Variants in CEP131 observed in about 807,000 individuals in gnomAD.
The protein encoded by CEP131 is centrosomal protein 131.
Under a neutral mutation model 136.8 loss-of-function variants are expected in CEP131, and 99 were observed. That is an observed-to-expected ratio of 0.72 (90% CI 0.62 to 0.86). The LOEUF is 0.86. Ranked by LOEUF, CEP131 falls within the 40% of genes least tolerant of loss-of-function variation. The pLI is 0.00. For missense variants in CEP131, 1,459 were observed against 1,463.0 expected, an observed-to-expected ratio of 1.00 and a Z score of 0.04; for synonymous variants, 646 against 612.7, an observed-to-expected ratio of 1.05 and a Z score of -0.80.
Position 81,199,416 on chromosome 17 carries a change from C to A in CEP131, c.1157G>T (p.Gly386Val), listed in dbSNP as rs147932891. ...PAQELSPTPG[G>V]TAHQALKANN... The stretch of plus-strand genomic sequence containing the variant: ...GGCCTTGAGGGCCTGGTGGGCAGTG[C>A]CGCCTGGTGTGGGGGACAGCTCCTG... The change falls in exon 10 of 26, where the codon GGC becomes GTC. Residue 386 changes from glycine to valine, a missense_variant. Gly to Val is a moderately radical substitution (Grantham distance 109). Transcript: ENST00000450824. 2.5e-3 allele frequency: 4,018 copies of A among 1,605,554 alleles called. 10 individuals are homozygous for A. The highest frequency in any genetic ancestry group is 3.2e-3 in the Non-Finnish European group (3,719 of 1,177,228).
Position 81,189,988 on chromosome 17 carries a change from C to A in CEP131, c.3108-13G>T. Reference sequence around the variant, plus strand: ...GGCTGTCTTCACCCTGTGGGTAGTACATGGTAGGCTTCAGTGTGGCCCCCG... The same window carrying A: ...GGCTGTCTTCACCCTGTGGGTAGTAAATGGTAGGCTTCAGTGTGGCCCCCG... On this transcript the variant is annotated splice_polypyrimidine_tract_variant and intron_variant, in intron 24 of 25. Coordinates refer to ENST00000450824, the MANE Select transcript of CEP131 (RefSeq NM_014984.4). The A allele has an allele frequency of 6.3e-7, 1 of 1,599,644 alleles. No homozygotes were observed. Among genetic ancestry groups the A allele is most frequent in the Non-Finnish European group, 8.5e-7 (1 of 1,170,272 alleles).
intron 12 of CEP131, 102 bp downstream of exon 12, chr17:81,198,013 G>A (rs1473491176): frequency 1.1e-5 from 17 of 1,486,300 alleles, no homozygotes; most frequent in Non-Finnish European, 1.4e-5. Context: ...GCCAGGAGGA[G>A]CCTGTGGCAT....
chr17:81,189,687 G>A lies in CEP131; in HGVS notation c.*82C>T. On this transcript the variant is annotated 3_prime_UTR_variant, in exon 26 of 26. Transcript: ENST00000450824. ...CACCAGCCTCTGTGGGGGGCAGGTG[G>A]GCGTCCCTGTGGGCCTCTGGGCCCA... 7.1e-7 allele frequency: 1 copy of A among 1,417,570 alleles called. No individual in the cohort carries two copies. The highest frequency in any genetic ancestry group is 1.4e-5 in the African/African-American group (1 of 69,824). 87.8% of individuals were successfully genotyped at this position (1,417,570 alleles called of 1,614,324 possible).
chr17:81,207,643 C>T (rs1377512396), intron 3 of CEP131, among the ~76,000 whole-genome samples: 1 of 151,454 alleles, frequency 6.6e-6, no homozygotes, highest in Non-Finnish European at 1.5e-5. Context: ...AGCCTGCACA[C>T]CCGGCTGCCC....
Position 81,208,010 on chromosome 17 carries a change from CCACT to C in CEP131, c.273-775_273-772del, listed in dbSNP as rs928371689. Among the ~76,000 whole-genome samples the C allele has an allele frequency of 2.2e-5, 2 of 91,186 alleles. No individual in the cohort carries two copies. Among genetic ancestry groups the C allele is most frequent in the Non-Finnish European group, 4.9e-5 (2 of 41,062 alleles). The allele number at this position is 91,186 out of a possible 152,430, so 59.8% of individuals were successfully genotyped here. ...TCACAAACCACACCCCAGACACACACCACTCACACCACACACCCACACACCACAC... is the reference window on the plus strand; with the variant it reads ...TCACAAACCACACCCCAGACACACACCACACCACACACCCACACACCACAC... On this transcript the variant is annotated intron_variant, in intron 3 of 25. Transcript: ENST00000450824. The surrounding 1 kb of genome is among the most constrained non-coding windows in gnomAD (Gnocchi z 5.6).
At position 81,203,455 on chromosome 17, in the gene CEP131, C is replaced by T. The variant is rs763999368; in HGVS notation, c.629+39G>A. On this transcript the variant is annotated intron_variant, in intron 6 of 25. Transcript: ENST00000450824. This position sits in a 1 kb window ranked among gnomAD's most constrained non-coding sequence, Gnocchi z 4.6. ...ACTGACTACATGCCCTAACTGAGGT[C>T]GGACCCCGCAGCCCCGCGGCCTCCC... is the stretch of plus-strand genomic sequence containing the variant. 1.7e-5 allele frequency: 25 copies of T among 1,509,952 alleles called. No homozygotes were observed. Among genetic ancestry groups the T allele is most frequent in the South Asian group, 1.4e-4 (12 of 83,800 alleles). The allele number at this position is 1,509,952 out of a possible 1,614,324, so 93.5% of individuals were successfully genotyped here.
At chr17:81,214,262 T>A (rs1231180180) in intron 2 of CEP131, among the ~76,000 whole-genome samples, 1 of 152,180 alleles carries the variant, frequency 6.6e-6, no homozygotes, top group Non-Finnish European at 1.5e-5. Flanking sequence ...GGTTTATTTT[T>A]AAAAATCGTA....
chr17:81,212,105 G>A (rs1251925159), intron 2 of CEP131, among the ~76,000 whole-genome samples: 1 of 151,590 alleles, frequency 6.6e-6, no homozygotes, highest in South Asian at 2.1e-4. Context: ...ATCTGAGGTC[G>A]GGAGTTTGAG....
At chr17:81,206,638 A>G (rs1297171818) in intron 5 of CEP131, 106 bp downstream of exon 5, 3 of 1,433,392 alleles carry the variant, frequency 2.1e-6, no homozygotes, top group African/African-American at 2.9e-5. Context: ...TCATTCATTC[A>G]TTCCAAAGCA....
In CEP131 at chr17:81,192,533, G is replaced by A. The variant is rs2061664142; in HGVS notation, c.2490C>T (p.Thr830=). The change falls in exon 20 of 26, where the codon ACC becomes ACT. Residue 830 remains threonine, a synonymous_variant. Transcript: ENST00000450824. ...QQLEESSSAL[T]RALRAEFEKG... ...TCTCAAACTCAGCCCTCAGGGCTCGGGTCAGTGCAGAGCTGCTCTCCTCCA... is the reference window on the plus strand; with the variant it reads ...TCTCAAACTCAGCCCTCAGGGCTCGAGTCAGTGCAGAGCTGCTCTCCTCCA... 1.9e-6 allele frequency: 3 copies of A among 1,610,634 alleles called. No individual in the cohort carries two copies. The African/African-American group carries it at 4.0e-5, about 21-fold the overall frequency.
chr17:81,189,684 G>C lies in CEP131; in HGVS notation c.*85C>G, dbSNP rs575855348. On this transcript the variant is annotated 3_prime_UTR_variant, in exon 26 of 26. Coordinates refer to ENST00000450824, the MANE Select transcript of CEP131 (RefSeq NM_014984.4). The stretch of plus-strand genomic sequence containing the variant: ...AACCACCAGCCTCTGTGGGGGGCAG[G>C]TGGGCGTCCCTGTGGGCCTCTGGGC... 7.0e-5 allele frequency: 98 copies of C among 1,403,118 alleles called. No individual in the cohort carries two copies. The Admixed American group carries it at 2.2e-3, about 32-fold the overall frequency. The allele number at this position is 1,403,118 out of a possible 1,614,324, so 86.9% of individuals were successfully genotyped here.
rs2061773508 is a variant in CEP131, at chr17:81,197,037, C to T, written c.1666G>A (p.Gly556Arg). The T allele has an allele frequency of 2.5e-6, 4 of 1,587,968 alleles. No individual in the cohort carries two copies. The highest frequency in any genetic ancestry group is 3.4e-6 in the Non-Finnish European group (4 of 1,167,414). Residue 556 changes from glycine (G) to arginine (R), a missense_variant, in exon 14 of 26, where the codon GGG becomes AGG. Around this residue, in one of 3 missense-constraint regions of CEP131, gnomAD observed 1,026 missense variants for 964.2 expected, o/e 1.06. Transcript: ENST00000450824. ...SQQEGWVPEA[G>R]PGPLELGSEV... ...GACCCCAGCTCCAGGGGCCCCGGCC[C>T]CGCCTCCGGCACCCACCCCTGCAGA...
In CEP131 at chr17:81,208,115, C is replaced by T. The variant is rs975978479; in HGVS notation, c.272+813G>A. On this transcript the variant is annotated intron_variant, in intron 3 of 25. Coordinates refer to ENST00000450824, the MANE Select transcript of CEP131 (RefSeq NM_014984.4). The surrounding 1 kb of genome is among the most constrained non-coding windows in gnomAD (Gnocchi z 5.6). ...CACACACACTTATGCCACACACCCA[C>T]ACACCACACACATACCACACACACA... 4.0e-5 allele frequency among the ~76,000 whole-genome samples: 6 copies of T among 150,408 alleles called. No individual in the cohort carries two copies. In the South Asian group the frequency reaches 8.4e-4, roughly 21 times the overall value.
At chr17:81,201,457 A>G (rs1350598270) in intron 7 of CEP131, among the ~76,000 whole-genome samples, 6 of 152,170 alleles carry the variant, frequency 3.9e-5, no homozygotes, top group Non-Finnish European at 7.4e-5. Context: ...ACAGCCCCCA[A>G]CAGTCATCAT....
rs2061796581 is a variant in CEP131, at chr17:81,197,769, C to T, written c.1590G>A (p.Met530Ile). Residue 530 changes from methionine to isoleucine, a missense_variant, in exon 13 of 26, where the codon ATG becomes ATA. By Grantham distance (10) the Met-to-Ile change is conservative (BLOSUM62 1). Coordinates refer to ENST00000450824, the MANE Select transcript of CEP131 (RefSeq NM_014984.4). ...LLSEAKLQSI[M>I]SFLDEMEKSG... ...ACTTCTCCATCTCGTCCAAGAAGCT[C>T]ATGATGCTTTGTAGCTTGGCCTCCG... 6.2e-7 allele frequency: 1 copy of T among 1,613,190 alleles called. No individual in the cohort carries two copies. The highest frequency in any genetic ancestry group is 8.5e-7 in the Non-Finnish European group (1 of 1,179,932).
At chr17:81,192,920 C>A in intron 18 of CEP131, 77 bp from the exon 19 acceptor site, 1 of 1,526,736 alleles carries the variant, frequency 6.5e-7, no homozygotes, top group Non-Finnish European at 8.8e-7. Flanking sequence ...GGGCACGGGC[C>A]GACCACAGGC....
At position 81,199,710 on chromosome 17, in the gene CEP131, G is replaced by T. The variant is rs775669090; in HGVS notation, c.1023+9C>A. 2 of 1,607,468 alleles carry T rather than the reference G, an allele frequency of 1.2e-6. No individual in the cohort carries two copies. The highest frequency in any genetic ancestry group is 1.7e-6 in the Non-Finnish European group (2 of 1,179,728). ...CGGTGCTGCTCAGTGGTCCCTGCGCGGTCAGCACCTGAATGGCTGCTCGCC... is the reference window on the plus strand; with the variant it reads ...CGGTGCTGCTCAGTGGTCCCTGCGCTGTCAGCACCTGAATGGCTGCTCGCC... On this transcript the variant is annotated intron_variant, in intron 9 of 25. Transcript: ENST00000450824.
At chr17:81,199,269 C>T (rs1460898329) in intron 10 of CEP131, 112 bp downstream of exon 10, 4 of 1,287,550 alleles carry the variant, frequency 3.1e-6, no homozygotes, top group Non-Finnish European at 4.2e-6. Context: ...AGGACTGGGG[C>T]CGCCAACATG....
chr17:81,199,298 C>T (rs1274352676), intron 10 of CEP131, 83 bp downstream of exon 10: 6 of 1,426,602 alleles, frequency 4.2e-6, no homozygotes, highest in East Asian at 2.5e-5. Flanking sequence ...CACAGGAGGC[C>T]GAGAGGAGGT....
Sources: allele counts gnomAD v4.1 joint callset (sites outside exome capture counted in the v4.1 genomes callset), GRCh38; gene constraint gnomAD v4.1.1; regional missense constraint gnomAD v4.1.1; non-coding constraint Gnocchi (gnomAD v3.1); transcripts MANE v1.5; gene names NCBI Gene and HGNC (gene_info 2026-07-23, HGNC 2026-07-21).